The following FBXL13 variants were observed in gnomAD, a reference collection of about 807,000 sequenced individuals.
FBXL13 encodes F-box and leucine-rich repeat protein 13.
In FBXL13, 67 loss-of-function variants were observed where a neutral mutation model predicts 83.6. The ratio of observed to expected loss-of-function variants is 0.80; its 90% confidence interval spans 0.66 to 0.98. The LOEUF (loss-of-function observed/expected upper bound fraction) is 0.98. FBXL13 is among the 50% of genes least tolerant of loss of function. FBXL13 has a pLI of 0.00. For missense variants in FBXL13, 822 were observed against 866.5 expected, an observed-to-expected ratio of 0.95 and a Z score of 0.64; for synonymous variants, 272 against 299.5, an observed-to-expected ratio of 0.91 and a Z score of 0.95.
At chr7:102,891,594 G>A (rs1023107121) in intron 11 of FBXL13, among the ~76,000 whole-genome samples, 7 of 152,188 alleles carry the variant, frequency 4.6e-5, no homozygotes, top group Admixed American at 2.6e-4. Flanking sequence ...TAGTTTCAAC[G>A]GGATGGCAGT....
At position 102,854,815 on chromosome 7, in the gene FBXL13, C is replaced by G. The variant is rs781733633; in HGVS notation, c.1681G>C (p.Val561Leu). The change falls in exon 17 of 20, where the codon GTA becomes CTA. Residue 561 changes from valine (V) to leucine (L), a missense_variant. Coordinates refer to ENST00000313221, the Ensembl canonical transcript of FBXL13. ...TCAGTGATTCTATAACATTCAGATA[C>G]AGAAAGTTCCTTCAATTTTTTATGT... 4.4e-6 allele frequency: 7 copies of G among 1,591,726 alleles called. No homozygotes were observed. Among genetic ancestry groups the G allele is most frequent in the Non-Finnish European group, 5.1e-6 (6 of 1,166,196 alleles).
chr7:102,815,435 C>T (rs1260043426), intron 19 of FBXL13, among the ~76,000 whole-genome samples: 2 of 152,136 alleles, frequency 1.3e-5, no homozygotes, highest in Non-Finnish European at 2.9e-5. Flanking sequence ...AAGGGAAGTC[C>T]TTTAACCCTC....
intron 2 of FBXL13, among the ~76,000 whole-genome samples, chr7:103,042,091 A>C (rs1795774011): frequency 6.6e-6 from 1 of 152,196 alleles, no homozygotes; most frequent in African/African-American, 2.4e-5. Flanking sequence ...CTCAGCCCAA[A>C]ATCTCCTTAA....
rs139815388 is a variant in FBXL13 at position 103,026,934 on chromosome 7, T to C, written c.327+515A>G. 1.1e-3 allele frequency among the ~76,000 whole-genome samples: 167 copies of C among 152,346 alleles called. 1 individual carries two copies. Among genetic ancestry groups the C allele is most frequent in the African/African-American group, 4.0e-3 (165 of 41,588 alleles). ...TCTGATCATAGTGTTACTTTGAGCA[T>C]ACTAAACCAATATTAAGTAATGATA... is the stretch of plus-strand genomic sequence containing the variant. On this transcript the variant is annotated intron_variant, in intron 5 of 19. Transcript: ENST00000313221.
At chr7:102,925,576 T>C (rs902634745) in intron 10 of FBXL13, among the ~76,000 whole-genome samples, 1 of 151,996 alleles carries the variant, frequency 6.6e-6, no homozygotes, top group Non-Finnish European at 1.5e-5. Flanking sequence ...TCTCAACAGG[T>C]AGCCAGAGCA....
At chr7:102,850,911 A>T (rs1805104071) in intron 17 of FBXL13, among the ~76,000 whole-genome samples, 1 of 152,164 alleles carries the variant, frequency 6.6e-6, no homozygotes, top group Admixed American at 6.5e-5. Context: ...CTTAAGTATG[A>T]TTACATTGTT....
chr7:103,036,504 C>A (rs1192823128), intron 2 of FBXL13, among the ~76,000 whole-genome samples: 2 of 152,016 alleles, frequency 1.3e-5, no homozygotes, highest in Non-Finnish European at 2.9e-5. Context: ...TCTTGATCTT[C>A]TGCAAATTAC....
chr7:103,074,358 T>A (rs1332600428), exon 1 of FBXL13: 1 of 1,034,020 alleles, frequency 9.7e-7, no homozygotes, highest in African/African-American at 1.7e-5. Context: ...CTCTGGCACT[T>A]CTTTCTCACT....
chr7:103,064,298 G>A (rs115314805), intron 1 of FBXL13, among the ~76,000 whole-genome samples: 1 of 152,188 alleles, frequency 6.6e-6, no homozygotes, highest in African/African-American at 2.4e-5. Flanking sequence ...AAGCCAGTTG[G>A]GGTCCAACCC....
chr7:102,884,257 A>G, exon 12 of FBXL13: 2 of 1,613,832 alleles, frequency 1.2e-6, no homozygotes, highest in Non-Finnish European at 1.7e-6. Context: ...ATTAATGGTA[A>G]GATGCATAAT....
intron 8 of FBXL13, among the ~76,000 whole-genome samples, chr7:102,956,665 T>A (rs1175814854): frequency 1.3e-5 from 2 of 152,146 alleles, no homozygotes; most frequent in Non-Finnish European, 2.9e-5. Flanking sequence ...CTCCTTAAGG[T>A]GATAAGCAAC....
chr7:102,968,073 T>C, exon 7 of FBXL13: 4 of 1,613,992 alleles, frequency 2.5e-6, no homozygotes, highest in African/African-American at 1.3e-5. Flanking sequence ...CATGATTAAC[T>C]TGACCACATA....
At chr7:103,073,009 G>C (rs751406927) in intron 1 of FBXL13, among the ~76,000 whole-genome samples, 10 of 152,136 alleles carry the variant, frequency 6.6e-5, no homozygotes, top group Non-Finnish European at 1.0e-4. Flanking sequence ...GGGAAGATGG[G>C]TACCATTCTC....
chr7:102,962,635 T>C (rs1825412465), intron 8 of FBXL13, among the ~76,000 whole-genome samples: 1 of 151,942 alleles, frequency 6.6e-6, no homozygotes, highest in Non-Finnish European at 1.5e-5. Context: ...ATATACACCA[T>C]GGAATACTAT....
intron 1 of FBXL13, among the ~76,000 whole-genome samples, chr7:103,062,207 C>T (rs1461485620): frequency 6.6e-6 from 1 of 152,126 alleles, no homozygotes; most frequent in African/African-American, 2.4e-5. Flanking sequence ...CTAGGTGTAT[C>T]TGCTTAATGT....
chr7:102,873,458 A>C (rs769132108), intron 16 of FBXL13, among the ~76,000 whole-genome samples: 1 of 152,130 alleles, frequency 6.6e-6, no homozygotes, highest in Non-Finnish European at 1.5e-5. Flanking sequence ...GTGTCTCCCA[A>C]CTGTGCTGAC....
In FBXL13 at chr7:102,926,390, A is replaced by G. The variant is rs575828020; in HGVS notation, c.778-16T>C. 6.3e-7 allele frequency: 1 copy of G among 1,597,956 alleles called. No individual in the cohort carries two copies. Among genetic ancestry groups the G allele is most frequent in the Non-Finnish European group, 8.6e-7 (1 of 1,167,654 alleles). ...TTGATTCATCCTGCATGAAAAACAG[A>G]GGGAAGAGGCTTATCAAATTATAGC... On this transcript the variant is annotated splice_polypyrimidine_tract_variant and intron_variant, in intron 9 of 19. Transcript: ENST00000313221.
At chr7:103,027,070 G>C (rs1462741179) in intron 5 of FBXL13, among the ~76,000 whole-genome samples, 1 of 152,152 alleles carries the variant, frequency 6.6e-6, no homozygotes, top group Admixed American at 6.5e-5. Flanking sequence ...GAGGCGGGCA[G>C]ATCACCTGAG....
intron 11 of FBXL13, among the ~76,000 whole-genome samples, chr7:102,911,918 C>T (rs1028949603): frequency 6.6e-6 from 1 of 152,170 alleles, no homozygotes; most frequent in East Asian, 1.9e-4. Context: ...ATCCTCCCCT[C>T]CTTGCCCCAA....
Sources: allele counts gnomAD v4.1 joint callset (sites outside exome capture counted in the v4.1 genomes callset), GRCh38; gene constraint gnomAD v4.1.1; transcripts MANE v1.5; gene names NCBI Gene and HGNC (gene_info 2026-07-23, HGNC 2026-07-21).